The following SLC30A1 variants were observed in gnomAD, a reference collection of about 807,000 sequenced individuals.
SLC30A1 encodes proton-coupled zinc antiporter SLC30A1.
In SLC30A1, 7 loss-of-function variants were observed where a neutral mutation model predicts 29.8. The observed-to-expected ratio is 0.23, with a 90% CI of 0.13 to 0.44. The LOEUF is 0.44. Among genes scored for constraint, SLC30A1 ranks in the 20% least tolerant of loss-of-function variants. SLC30A1 has a pLI of 1.00. For synonymous variants in SLC30A1, 254 were observed against 253.5 expected, an observed-to-expected ratio of 1.00 and a Z score of -0.02; for missense variants, 446 against 647.9, an observed-to-expected ratio of 0.69 and a Z score of 3.38.
rs12562288 is a variant in SLC30A1 at position 211,577,020 on chromosome 1, G to A, written c.623-731C>T. ...TCTTTGGAATAACACCTTGCCGAGT[G>A]GAGTGAGAGGAAAACCAATTACTTA... is the stretch of plus-strand genomic sequence containing the variant. On this transcript the variant is annotated intron_variant, in intron 1 of 1. Coordinates refer to ENST00000367001, the MANE Select transcript of SLC30A1 (RefSeq NM_021194.3). The surrounding 1 kb of genome is among the most constrained non-coding windows in gnomAD (Gnocchi z 4.5). Among the ~76,000 whole-genome samples the A allele has an allele frequency of 0.1, 15,414 of 152,110 alleles. 1,092 individuals carry two copies. The highest frequency in any genetic ancestry group is 0.2 in the African/African-American group (8,243 of 41,444).
In SLC30A1 at chr1:211,574,251, G is replaced by C. The variant is rs1706690905; in HGVS notation, c.*1137C>G. The C allele has an allele frequency of 6.6e-6, 1 of 152,050 alleles. No individual in the cohort carries two copies. Among genetic ancestry groups the C allele is most frequent in the Non-Finnish European group, 1.5e-5 (1 of 67,912 alleles). 9.4% of individuals were successfully genotyped at this position (152,050 alleles called of 1,614,324 possible). A position where few individuals can be genotyped will look rare whatever the true frequency, so the allele number is the denominator to read the frequency against. The stretch of plus-strand genomic sequence containing the variant: ...CTTGCAAAATAAGCCACTATTGGAA[G>C]ATCTGAGTATGTGAAGACAGGATGA... On this transcript the variant is annotated 3_prime_UTR_variant, in exon 2 of 2. Coordinates refer to ENST00000367001, the MANE Select transcript of SLC30A1 (RefSeq NM_021194.3).
At position 211,577,684 on chromosome 1, in the gene SLC30A1, G is replaced by T. The variant is rs1282001547; in HGVS notation, c.622+307C>A. On this transcript the variant is annotated intron_variant, in intron 1 of 1. Transcript: ENST00000367001. This position sits in a 1 kb window ranked among gnomAD's most constrained non-coding sequence, Gnocchi z 4.5. Reference sequence around the variant, plus strand: ...AAAGTTGCTGCAGCCTGTAAAGACAGCCAAGTGCGGGTGTGGACTGCAGCG... The same window carrying T: ...AAAGTTGCTGCAGCCTGTAAAGACATCCAAGTGCGGGTGTGGACTGCAGCG... Among the ~76,000 whole-genome samples the T allele has an allele frequency of 6.6e-6, 1 of 152,242 alleles. No homozygotes were observed. The highest frequency in any genetic ancestry group is 1.5e-5 in the Non-Finnish European group (1 of 68,042).
Position 211,572,282 on chromosome 1 carries a change from C to T in SLC30A1, c.*3106G>A, listed in dbSNP as rs543152912. ...CCAAGAGTTTTAACACTGTTTATGA[C>T]TTAACTGAAACTCAGTATTAAAATA... On this transcript the variant is annotated 3_prime_UTR_variant, in exon 2 of 2. Transcript: ENST00000367001. The T allele has an allele frequency of 2.0e-5, 3 of 152,202 alleles. No individual in the cohort carries two copies. In the South Asian group the frequency reaches 6.2e-4, roughly 31 times the overall value. The allele number at this position is 152,202 out of a possible 1,614,324, so 9.4% of individuals were successfully genotyped here. A position where few individuals can be genotyped will look rare whatever the true frequency, so the allele number is the denominator to read the frequency against.
In SLC30A1 at chr1:211,577,002, A is replaced by G. The variant is rs1167480905; in HGVS notation, c.623-713T>C. On this transcript the variant is annotated intron_variant, in intron 1 of 1. Transcript: ENST00000367001. The surrounding 1 kb of genome is among the most constrained non-coding windows in gnomAD (Gnocchi z 4.5). The stretch of plus-strand genomic sequence containing the variant: ...ACCAGAGAAACTTAATTTTCTTTGG[A>G]ATAACACCTTGCCGAGTGGAGTGAG... Among the ~76,000 whole-genome samples the G allele has an allele frequency of 6.6e-6, 1 of 152,216 alleles. No individual in the cohort carries two copies. The highest frequency in any genetic ancestry group is 2.4e-5 in the African/African-American group (1 of 41,452).
rs1233084280 is a variant in SLC30A1 at position 211,571,848 on chromosome 1, C to CA, written c.*3539dup. The CA allele has an allele frequency of 6.6e-6, 1 of 152,148 alleles. No homozygotes were observed. The highest frequency in any genetic ancestry group is 1.5e-5 in the Non-Finnish European group (1 of 67,998). 9.4% of individuals were successfully genotyped at this position (152,148 alleles called of 1,614,324 possible). On this transcript the variant is annotated 3_prime_UTR_variant, in exon 2 of 2. Transcript: ENST00000367001. Reference sequence around the variant, plus strand: ...CCCAAAGGACAGGCAACAGAAGACACAAAACAACACAACATATAAGTTTCA... The same window carrying CA: ...CCCAAAGGACAGGCAACAGAAGACACAAAAACAACACAACATATAAGTTTCA...
rs1035099561 is a variant in SLC30A1, at chr1:211,578,813, C to T, written c.-201G>A. ...CCCCGCGCCTGTGGGCGTTCTCCGCCAGCCGGCGGCGCCGCGCCGCGCAGC... is the reference window on the plus strand; with the variant it reads ...CCCCGCGCCTGTGGGCGTTCTCCGCTAGCCGGCGGCGCCGCGCCGCGCAGC... On this transcript the variant is annotated 5_prime_UTR_variant, in exon 1 of 2. Transcript: ENST00000367001. The T allele has an allele frequency of 4.5e-5, 17 of 374,052 alleles. No individual in the cohort carries two copies. Among genetic ancestry groups the T allele is most frequent in the Non-Finnish European group, 7.3e-5 (16 of 218,032 alleles). 23.2% of individuals were successfully genotyped at this position (374,052 alleles called of 1,614,324 possible).
Position 211,578,728 on chromosome 1 carries a change from G to A in SLC30A1, c.-116C>T. ...GAGGAGCGCCCGAGTCGGGCCGTTC[G>A]GGAAACCGCTGAGGGGCCCCCGCGG... On this transcript the variant is annotated 5_prime_UTR_variant, in exon 1 of 2. Transcript: ENST00000367001. The A allele has an allele frequency of 1.7e-6, 2 of 1,143,654 alleles. No individual in the cohort carries two copies. Among genetic ancestry groups the A allele is most frequent in the South Asian group, 1.9e-5 (1 of 52,086 alleles). 70.8% of individuals were successfully genotyped at this position (1,143,654 alleles called of 1,614,324 possible).
At position 211,575,885 on chromosome 1, in the gene SLC30A1, G is replaced by C; in HGVS notation, c.1027C>G (p.Leu343Val). 1 of 1,612,908 alleles carries C rather than the reference G, an allele frequency of 6.2e-7. No individual in the cohort carries two copies. Among genetic ancestry groups the C allele is most frequent in the Non-Finnish European group, 8.5e-7 (1 of 1,179,440 alleles). Residue 343 changes from leucine (L) to valine (V), a missense_variant, in exon 2 of 2, where the codon CTT becomes GTT. By Grantham distance (32) the Leu-to-Val change is conservative (BLOSUM62 1). Transcript: ENST00000367001. The surrounding 1 kb of genome is among the most constrained non-coding windows in gnomAD (Gnocchi z 6.0). ...ATTTGTTTAGGAACAGTTTGTAGAA[G>C]AATAAGAGCAGATTCCTTAAGTAAT... ...YPLLKESALI[L>V]LQTVPKQIDI...
rs1706688366 is a variant in SLC30A1 at position 211,574,063 on chromosome 1, G to C, written c.*1325C>G. On this transcript the variant is annotated 3_prime_UTR_variant, in exon 2 of 2. Coordinates refer to ENST00000367001, the MANE Select transcript of SLC30A1 (RefSeq NM_021194.3). Reference sequence around the variant, plus strand: ...TAGAAAAATAGAGCTATACATAACTGATGCTAATATTAATCCTTTCAAGGA... The same window carrying C: ...TAGAAAAATAGAGCTATACATAACTCATGCTAATATTAATCCTTTCAAGGA... 1 of 152,434 alleles carries C rather than the reference G, an allele frequency of 6.6e-6. No individual in the cohort carries two copies. The highest frequency in any genetic ancestry group is 2.1e-4 in the South Asian group (1 of 4,830). 9.4% of individuals were successfully genotyped at this position (152,434 alleles called of 1,614,324 possible).
chr1:211,577,946 G>T lies in SLC30A1; in HGVS notation c.622+45C>A. 6.2e-7 allele frequency: 1 copy of T among 1,607,620 alleles called. No individual in the cohort carries two copies. The highest frequency in any genetic ancestry group is 1.1e-5 in the South Asian group (1 of 90,704). On this transcript the variant is annotated intron_variant, in intron 1 of 1. Coordinates refer to ENST00000367001, the MANE Select transcript of SLC30A1 (RefSeq NM_021194.3). The surrounding 1 kb of genome is among the most constrained non-coding windows in gnomAD (Gnocchi z 4.5). ...CGCCGAAGGCCAGGCGAGGCTCTGG[G>T]CACCCCAAACCCAACCACCTGCGGC...
chr1:211,578,744 G>GC lies in SLC30A1; in HGVS notation c.-133dup. On this transcript the variant is annotated 5_prime_UTR_variant, in exon 1 of 2. Coordinates refer to ENST00000367001, the MANE Select transcript of SLC30A1 (RefSeq NM_021194.3). ...GGGCCGTTCGGGAAACCGCTGAGGG[G>GC]CCCCCGCGGCCGCACGGGGACAAGC... 1 of 859,810 alleles carries GC rather than the reference G, an allele frequency of 1.2e-6. No homozygotes were observed. Among genetic ancestry groups the GC allele is most frequent in the Non-Finnish European group, 1.6e-6 (1 of 625,944 alleles). The allele number at this position is 859,810 out of a possible 1,614,324, so 53.3% of individuals were successfully genotyped here. A position where few individuals can be genotyped will look rare whatever the true frequency, so the allele number is the denominator to read the frequency against.
chr1:211,578,138 G>A lies in SLC30A1; in HGVS notation c.475C>T (p.Leu159Phe), dbSNP rs1177679892. ...SHGGHGHGHG[L>F]PKGPRVKSTR... Reference sequence around the variant, plus strand: ...CTCTTAACGCGAGGCCCCTTGGGGAGGCCGTGGCCGTGGCCGTGACCCCCG... The same window carrying A: ...CTCTTAACGCGAGGCCCCTTGGGGAAGCCGTGGCCGTGGCCGTGACCCCCG... The change falls in exon 1 of 2, where the codon CTC (leucine) becomes TTC (phenylalanine). Residue 159 changes from leucine (L) to phenylalanine (F), a missense_variant. Physicochemically the swap from Leu to Phe is conservative, Grantham distance 22. This residue lies in a region of SLC30A1 where 159 missense variants were observed against 161.1 expected (regional missense o/e 0.99). Coordinates refer to ENST00000367001, the MANE Select transcript of SLC30A1 (RefSeq NM_021194.3). 2 of 1,606,448 alleles carry A rather than the reference G, an allele frequency of 1.2e-6. No individual in the cohort carries two copies. The highest frequency in any genetic ancestry group is 1.7e-5 in the Admixed American group (1 of 59,214).
At position 211,572,237 on chromosome 1, in the gene SLC30A1, CAAAA is replaced by C. The variant is rs1706662359; in HGVS notation, c.*3147_*3150del. On this transcript the variant is annotated 3_prime_UTR_variant, in exon 2 of 2. Transcript: ENST00000367001. ...CAGTTTCAATTTTAAAAATGACAAA[CAAAA>C]AACCCCTACACCTTCCCAAGAGTTT... The C allele has an allele frequency of 6.6e-6, 1 of 151,966 alleles. No homozygotes were observed. Among genetic ancestry groups the C allele is most frequent in the Non-Finnish European group, 1.5e-5 (1 of 67,922 alleles). The allele number at this position is 151,966 out of a possible 1,614,324, so 9.4% of individuals were successfully genotyped here. A position where few individuals can be genotyped will look rare whatever the true frequency, so the allele number is the denominator to read the frequency against.
Position 211,575,934 on chromosome 1 carries a change from A to G in SLC30A1, c.978T>C (p.Cys326=). The change falls in exon 2 of 2, where the codon TGT becomes TGC. Residue 326 remains cysteine (C), a synonymous_variant. Transcript: ENST00000367001. The surrounding 1 kb of genome is among the most constrained non-coding windows in gnomAD (Gnocchi z 6.0). ...ATGGATAGGTTGTGTAAAGAAGTAT[A>G]CAAACCATTACAACACAAAGAGTTG... ...LDPTLCVVMV[C]ILLYTTYPLL... 4 of 1,613,246 alleles carry G rather than the reference A, an allele frequency of 2.5e-6. No homozygotes were observed. The highest frequency in any genetic ancestry group is 2.5e-6 in the Non-Finnish European group (3 of 1,179,526).
chr1:211,576,604 T>C (rs918266322), intron 1 of SLC30A1, among the ~76,000 whole-genome samples: 1 of 152,202 alleles, frequency 6.6e-6, no homozygotes, highest in Non-Finnish European at 1.5e-5. Flanking sequence ...TTATGGTATA[T>C]ACAAAGGAAA....
At position 211,578,302 on chromosome 1, in the gene SLC30A1, A is replaced by C. The variant is rs983297337; in HGVS notation, c.311T>G (p.Phe104Cys). Residue 104 changes from phenylalanine to cysteine, a missense_variant, in exon 1 of 2, where the codon TTC becomes TGC. This residue lies in a region of SLC30A1 where 37 missense variants were observed against 64.0 expected (regional missense o/e 0.58). Coordinates refer to ENST00000367001, the MANE Select transcript of SLC30A1 (RefSeq NM_021194.3). Reference sequence around the variant, plus strand: ...CTGCTGCATCTCGTGCGGCTCGATGAAGCGCTCGATGGCCTCCAGCAGGAT... The same window carrying C: ...CTGCTGCATCTCGTGCGGCTCGATGCAGCGCTCGATGGCCTCCAGCAGGAT... Reference protein sequence around the residue: ...FAILLEAIERFIEPHEMQQPL... With the variant: ...FAILLEAIERCIEPHEMQQPL... The C allele has an allele frequency of 1.9e-6, 3 of 1,612,704 alleles. No homozygotes were observed. The highest frequency in any genetic ancestry group is 2.5e-6 in the Non-Finnish European group (3 of 1,179,778).
rs1249561082 is a variant in SLC30A1, at chr1:211,574,159, T to C, written c.*1229A>G. On this transcript the variant is annotated 3_prime_UTR_variant, in exon 2 of 2. Transcript: ENST00000367001. Reference sequence around the variant, plus strand: ...TATAACTTAAACACCCTTAAATATTTGTGTTGGATTTGAAATCTATAGCAA... The same window carrying C: ...TATAACTTAAACACCCTTAAATATTCGTGTTGGATTTGAAATCTATAGCAA... The C allele has an allele frequency of 6.6e-6, 1 of 152,156 alleles. No individual in the cohort carries two copies. Among genetic ancestry groups the C allele is most frequent in the Non-Finnish European group, 1.5e-5 (1 of 67,926 alleles). 9.4% of individuals were successfully genotyped at this position (152,156 alleles called of 1,614,324 possible). A position where few individuals can be genotyped will look rare whatever the true frequency, so the allele number is the denominator to read the frequency against.
rs1284074878 is a variant in SLC30A1, at chr1:211,571,956, A to G, written c.*3432T>C. On this transcript the variant is annotated 3_prime_UTR_variant, in exon 2 of 2. Coordinates refer to ENST00000367001, the MANE Select transcript of SLC30A1 (RefSeq NM_021194.3). ...TGGCAATTTGTGTCTTTTTATATAT[A>G]TATATAACCACATATTAATTGTATG... 1 of 152,154 alleles carries G rather than the reference A, an allele frequency of 6.6e-6. No individual in the cohort carries two copies. The highest frequency in any genetic ancestry group is 2.4e-5 in the African/African-American group (1 of 41,454). 9.4% of individuals were successfully genotyped at this position (152,154 alleles called of 1,614,324 possible). A position where few individuals can be genotyped will look rare whatever the true frequency, so the allele number is the denominator to read the frequency against.
In SLC30A1 at chr1:211,573,964, G is replaced by A; in HGVS notation, c.*1424C>T. The stretch of plus-strand genomic sequence containing the variant: ...TTCCTCTTACAACCCATTAAACAAT[G>A]AACTATTTTAAATCCCAAAACGTAG... On this transcript the variant is annotated 3_prime_UTR_variant, in exon 2 of 2. Transcript: ENST00000367001. The A allele has an allele frequency of 6.6e-6, 1 of 152,406 alleles. No individual in the cohort carries two copies. Among genetic ancestry groups the A allele is most frequent in the East Asian group, 1.9e-4 (1 of 5,202 alleles). The allele number at this position is 152,406 out of a possible 1,614,324, so 9.4% of individuals were successfully genotyped here. A position where few individuals can be genotyped will look rare whatever the true frequency, so the allele number is the denominator to read the frequency against.
Sources: gnomAD v4.1 joint callset for allele counts (sites outside exome capture counted in the v4.1 genomes callset) on GRCh38, gnomAD v4.1.1 for gene constraint, gnomAD v4.1.1 regional missense constraint, Gnocchi (gnomAD v3.1) non-coding constraint, MANE v1.5 for transcripts, NCBI Gene and HGNC (gene_info 2026-07-23, HGNC 2026-07-21) for gene names.